The following LRP1B variants were observed in gnomAD, a reference collection of about 807,000 sequenced individuals.
LRP1B encodes the protein low-density lipoprotein receptor-related protein 1B.
LRP1B carries 217 observed loss-of-function variants against 556.6 expected under a neutral mutation model. The ratio of observed to expected loss-of-function variants is 0.39; its 90% CI spans 0.35 to 0.44. The LOEUF (loss-of-function observed/expected upper bound fraction) is 0.44. Ranked by LOEUF, LRP1B falls within the 20% of genes least tolerant of loss-of-function variation. LRP1B has a pLI of 1.00. For missense variants in LRP1B, 5,053 were observed against 5,620.8 expected (o/e 0.90, Z 3.23); for synonymous variants, 2,047 against 1,865.8 (o/e 1.10, Z -2.50).
rs557698196 is a variant in LRP1B at position 140,538,644 on chromosome 2, A to G, written c.7514-1935T>C. On this transcript the variant is annotated intron_variant, in intron 45 of 90. Transcript: ENST00000389484. The stretch of plus-strand genomic sequence containing the variant: ...AGAATGTCATTTAAGACAAGGTAGC[A>G]AATAATTTAAAACAGAACAATATTA... Among the ~76,000 whole-genome samples, 175 of 152,262 alleles carry G rather than the reference A, an allele frequency of 1.1e-3. 1 individual carries two copies. Among genetic ancestry groups the G allele is most frequent in the African/African-American group, 4.2e-3 (173 of 41,562 alleles).
chr2:140,893,276 A>G (rs1402061227), intron 23 of LRP1B, among the ~76,000 whole-genome samples: 2 of 152,348 alleles, frequency 1.3e-5, no homozygotes, highest in Middle Eastern at 3.4e-3. Flanking sequence ...TTGCTGCAAA[A>G]TGTTCATATG....
intron 66 of LRP1B, among the ~76,000 whole-genome samples, chr2:140,425,462 G>C (rs930639430): frequency 6.6e-6 from 1 of 152,006 alleles, no homozygotes; most frequent in African/African-American, 2.4e-5. Flanking sequence ...GGAGTGCAGT[G>C]GCATGATCTT....
At chr2:141,718,857 A>T (rs1378196707) in intron 2 of LRP1B, among the ~76,000 whole-genome samples, 1 of 152,168 alleles carries the variant, frequency 6.6e-6, no homozygotes, top group Admixed American at 6.5e-5. Flanking sequence ...CGTCAGAAGA[A>T]AGTGAGGATA....
At chr2:140,739,488 A>C (rs770152048) in intron 35 of LRP1B, among the ~76,000 whole-genome samples, 1 of 152,198 alleles carries the variant, frequency 6.6e-6, no homozygotes, top group South Asian at 2.1e-4. Flanking sequence ...TGTACATAGA[A>C]AGGAGAGTTT....
chr2:141,781,069 G>A (rs767695455), intron 2 of LRP1B, among the ~76,000 whole-genome samples: 13 of 152,054 alleles, frequency 8.5e-5, no homozygotes, highest in Non-Finnish European at 1.3e-4. Flanking sequence ...TGCGGCACTT[G>A]TAGAGAGGAA....
At chr2:141,587,387 T>C (rs1284384436) in intron 2 of LRP1B, among the ~76,000 whole-genome samples, 1 of 152,342 alleles carries the variant, frequency 6.6e-6, no homozygotes, top group East Asian at 1.9e-4. Context: ...GTGTGCTACT[T>C]TCTATAAATA....
chr2:140,312,068 G>A, intron 83 of LRP1B, among the ~76,000 whole-genome samples: 1 of 151,414 alleles, frequency 6.6e-6, no homozygotes. Flanking sequence ...TACTTCCGGG[G>A]GAAAAAAAAT....
rs1559175156 is a variant in LRP1B at position 141,610,558 on chromosome 2, C to T, written c.206-130025G>A. ...CAGCCAGTACTTTCCCTGAGAACCT[C>T]CCCTGCCCTTTCTACCATAAGGTAC... On this transcript the variant is annotated intron_variant, in intron 2 of 90. Transcript: ENST00000389484. 4.6e-5 allele frequency among the ~76,000 whole-genome samples: 7 copies of T among 152,210 alleles called. No homozygotes were observed. In the South Asian group the frequency reaches 1.5e-3, roughly 32 times the overall value.
intron 6 of LRP1B, among the ~76,000 whole-genome samples, chr2:141,228,156 A>G (rs1683316444): frequency 6.6e-6 from 1 of 152,120 alleles, no homozygotes; most frequent in Non-Finnish European, 1.5e-5. Context: ...ACCTCAGATG[A>G]TCCACCCACC....
intron 2 of LRP1B, among the ~76,000 whole-genome samples, chr2:141,703,941 C>A (rs1442776461): frequency 1.3e-5 from 2 of 151,892 alleles, no homozygotes; most frequent in Non-Finnish European, 1.5e-5. Flanking sequence ...AGTTGCCACT[C>A]CCATTCTGCC....
intron 2 of LRP1B, among the ~76,000 whole-genome samples, chr2:141,540,837 T>C (rs911857511): frequency 1.3e-5 from 2 of 152,056 alleles, no homozygotes; most frequent in Non-Finnish European, 2.9e-5. Flanking sequence ...CTGCCAGTAC[T>C]ACTCTTATGA....
At position 140,903,106 on chromosome 2, in the gene LRP1B, C is replaced by T. The variant is rs1482707738; in HGVS notation, c.3580G>A (p.Gly1194Arg). ...CCTTCAGGGCAGGAACAGACAATTC[C>T]TCTTCCAGGAACAACAGAACAGTGG... ...SNHCSVVPGR[G>R]IVCSCPEGLQ... Residue 1194 changes from glycine to arginine, a missense_variant, in exon 23 of 91, where the codon GGA becomes AGA. By Grantham distance (125) the Gly-to-Arg change is moderately radical (BLOSUM62 -2). This residue lies in a region of LRP1B where 3,619 missense variants were observed against 3,931.9 expected (regional missense o/e 0.92). Coordinates refer to ENST00000389484, the MANE Select transcript of LRP1B (RefSeq NM_018557.3). The T allele has an allele frequency of 8.1e-6, 13 of 1,613,550 alleles. No individual in the cohort carries two copies. The highest frequency in any genetic ancestry group is 1.0e-5 in the Non-Finnish European group (12 of 1,179,690).
chr2:141,292,813 C>T (rs1479989606), intron 3 of LRP1B, among the ~76,000 whole-genome samples: 1 of 152,042 alleles, frequency 6.6e-6, no homozygotes, highest in Non-Finnish European at 1.5e-5. Context: ...ACTTGACAAC[C>T]AAATGCAATG....
chr2:140,841,146 G>T, intron 29 of LRP1B, 54 bp from the exon 30 acceptor site: 3 of 1,119,298 alleles, frequency 2.7e-6, no homozygotes, highest in Non-Finnish European at 3.8e-6. Flanking sequence ...TCATTGTACT[G>T]GCTCTGCAAG....
At chr2:140,977,605 T>TG (rs1696643388) in intron 18 of LRP1B, among the ~76,000 whole-genome samples, 1 of 152,118 alleles carries the variant, frequency 6.6e-6, no homozygotes, top group African/African-American at 2.4e-5. Context: ...TGCGTTTTTT[T>TG]TTGTTGTTGT....
chr2:141,101,558 A>T (rs1035475583), intron 7 of LRP1B, among the ~76,000 whole-genome samples: 2 of 152,116 alleles, frequency 1.3e-5, no homozygotes, highest in Non-Finnish European at 2.9e-5. Context: ...AAAATAATAA[A>T]ACCGATTTAT....
At chr2:141,791,063 T>A (rs1327696123) in intron 2 of LRP1B, among the ~76,000 whole-genome samples, 1 of 152,016 alleles carries the variant, frequency 6.6e-6, no homozygotes, top group Non-Finnish European at 1.5e-5. Flanking sequence ...TAAAAAGTAA[T>A]CTTTTAATTA....
chr2:140,393,089 G>A (rs1293814372), intron 66 of LRP1B, among the ~76,000 whole-genome samples: 1 of 151,364 alleles, frequency 6.6e-6, no homozygotes, highest in Non-Finnish European at 1.5e-5. Context: ...CACCAAGCCT[G>A]GCTAATTTGT....
rs150320309 is a variant in LRP1B at position 140,514,738 on chromosome 2, G to A, written c.8184C>T (p.Ser2728=). 109 of 1,611,180 alleles carry A rather than the reference G, an allele frequency of 6.8e-5. No individual in the cohort carries two copies. The Admixed American group carries it at 7.4e-4, about 11-fold the overall frequency. ...AATGCTTAGAAATACATTTTTGTGC[G>A]GAACAAGCAAATTGGTTCCAAGAGC... is the stretch of plus-strand genomic sequence containing the variant. The part of the protein sequence containing the change: ...SSCSWNQFAC[S]AQKCISKHWI... Residue 2728 remains serine, a synonymous_variant, in exon 51 of 91, where the codon TCC becomes TCT. Coordinates refer to ENST00000389484, the MANE Select transcript of LRP1B (RefSeq NM_018557.3).
Sources: gnomAD v4.1 joint callset for allele counts (sites outside exome capture counted in the v4.1 genomes callset) on GRCh38, gnomAD v4.1.1 for gene constraint, gnomAD v4.1.1 regional missense constraint, MANE v1.5 for transcripts, NCBI Gene and HGNC (gene_info 2026-07-23, HGNC 2026-07-21) for gene names.